Variants in NEDD4L observed in about 807,000 individuals in gnomAD.
NEDD4L encodes NEDD4 like E3 ubiquitin protein ligase.
In NEDD4L, 54 loss-of-function variants were observed where a neutral mutation model predicts 148.9. The observed-to-expected ratio is 0.36, with a 90% confidence interval of 0.29 to 0.45. The LOEUF (loss-of-function observed/expected upper bound fraction) is 0.45, where lower values mean the gene tolerates loss of function less well. NEDD4L is among the 20% of genes least tolerant of loss of function. NEDD4L has a pLI of 1.00. For missense variants in NEDD4L, 856 were observed against 1,233.8 expected (o/e 0.69, Z 4.59); for synonymous variants, 433 against 440.7 (o/e 0.98, Z 0.22).
chr18:58,156,611 C>T (rs1011246919), intron 1 of NEDD4L, among the ~76,000 whole-genome samples: 4 of 152,154 alleles, frequency 2.6e-5, no homozygotes, highest in African/African-American at 7.2e-5. Flanking sequence ...CCGCCTCCCA[C>T]GCCCCACATT....
intron 5 of NEDD4L, among the ~76,000 whole-genome samples, chr18:58,258,551 A>G (rs560954483): frequency 6.6e-6 from 1 of 152,344 alleles, no homozygotes; most frequent in East Asian, 1.9e-4. Context: ...TACCTTGCTT[A>G]AAAGGGCTAT....
chr18:58,306,782 C>A (rs1015285973), intron 5 of NEDD4L, among the ~76,000 whole-genome samples: 3 of 152,132 alleles, frequency 2.0e-5, no homozygotes, highest in African/African-American at 2.4e-5. Context: ...ACCGCCACCA[C>A]GCCCGGCTAA....
intron 2 of NEDD4L, among the ~76,000 whole-genome samples, chr18:58,185,607 C>T (rs1383510120): frequency 6.6e-6 from 1 of 152,232 alleles, no homozygotes; most frequent in Non-Finnish European, 1.5e-5. Context: ...GGTGCTGTGG[C>T]TCACGCCTGT....
At chr18:58,139,041 G>C (rs1194147093) in intron 1 of NEDD4L, among the ~76,000 whole-genome samples, 2 of 152,150 alleles carry the variant, frequency 1.3e-5, no homozygotes, top group African/African-American at 2.4e-5. Flanking sequence ...GGACATTCTG[G>C]GTCCTCAGTG....
chr18:58,121,085 A>T (rs559407760), intron 1 of NEDD4L, among the ~76,000 whole-genome samples: 1 of 152,312 alleles, frequency 6.6e-6, no homozygotes, highest in East Asian at 1.9e-4. Context: ...AATGTGATCT[A>T]AGTAAAAGTG....
At chr18:58,335,383 CTG>C in intron 12 of NEDD4L, 93 bp from the exon 13 acceptor site, 1 of 1,004,578 alleles carries the variant, frequency 1.0e-6, no homozygotes, top group Admixed American at 1.8e-5. Flanking sequence ...CTCACGTCAC[CTG>C]CCTTACAGCG....
At chr18:58,087,511 C>T (rs1287249941) in intron 1 of NEDD4L, among the ~76,000 whole-genome samples, 1 of 152,124 alleles carries the variant, frequency 6.6e-6, no homozygotes, top group African/African-American at 2.4e-5. Context: ...ATTCCAGTTA[C>T]CAGAATCTGT....
intron 5 of NEDD4L, among the ~76,000 whole-genome samples, chr18:58,304,504 ACT>A (rs1790279412): frequency 2.0e-5 from 3 of 152,130 alleles, no homozygotes; most frequent in African/African-American, 4.8e-5. Context: ...ACATAACAAG[ACT>A]CTGTCTCAAT....
rs567908211 is a variant in NEDD4L at position 58,210,162 on chromosome 18, G to T, written c.123-35265G>T. Among the ~76,000 whole-genome samples the T allele has an allele frequency of 1.3e-4, 20 of 152,090 alleles. No homozygotes were observed. The South Asian group carries it at 3.5e-3, about 27-fold the overall frequency. ...GCCTGGGCAAGAAAAGCGACACTTC[G>T]TCTCAACATCAACAACAACAAAAAA... On this transcript the variant is annotated intron_variant, in intron 2 of 30. Transcript: ENST00000400345.
chr18:58,378,461 C>G (rs546873592), intron 24 of NEDD4L, among the ~76,000 whole-genome samples: 1 of 152,212 alleles, frequency 6.6e-6, no homozygotes, highest in Admixed American at 6.5e-5. Flanking sequence ...ACGAAGAGCC[C>G]GGAGCTGGAG....
At chr18:58,171,379 AGGG>A in intron 2 of NEDD4L, among the ~76,000 whole-genome samples, 1 of 74,088 alleles carries the variant, frequency 1.3e-5, no homozygotes, top group African/African-American at 8.5e-5. Flanking sequence ...CCCCAGCCCA[AGGG>A]GACAGGACAC....
chr18:58,127,824 G>A (rs1213065240), intron 1 of NEDD4L, among the ~76,000 whole-genome samples: 1 of 128,654 alleles, frequency 7.8e-6, no homozygotes, highest in Non-Finnish European at 1.6e-5. Flanking sequence ...CTGGGCCACA[G>A]AGTGAGACTC....
chr18:58,074,515 C>T (rs1271620410), intron 1 of NEDD4L, among the ~76,000 whole-genome samples: 6 of 149,882 alleles, frequency 4.0e-5, no homozygotes, highest in East Asian at 2.0e-4. Flanking sequence ...CCTTGTGATC[C>T]GCTCACCTCG....
intron 5 of NEDD4L, among the ~76,000 whole-genome samples, chr18:58,279,432 G>A (rs1176319715): frequency 6.6e-6 from 1 of 152,188 alleles, no homozygotes; most frequent in African/African-American, 2.4e-5. Context: ...TCCTGAAAAA[G>A]GCATAGGATT....
At chr18:58,047,419 A>G (rs1568137496) in intron 1 of NEDD4L, 2 of 985,384 alleles carry the variant, frequency 2.0e-6, no homozygotes, top group Non-Finnish European at 2.4e-6. Context: ...ATGATGAAGC[A>G]TTGCATGAAC....
chr18:58,102,134 G>A (rs1167050969), intron 1 of NEDD4L, among the ~76,000 whole-genome samples: 3 of 151,950 alleles, frequency 2.0e-5, no homozygotes, highest in Non-Finnish European at 2.9e-5. Flanking sequence ...TTTGAATTAA[G>A]GTCGGGTATG....
intron 2 of NEDD4L, among the ~76,000 whole-genome samples, chr18:58,243,010 TG>T (rs1259328290): frequency 3.3e-5 from 5 of 152,252 alleles, no homozygotes; most frequent in African/African-American, 1.2e-4. Flanking sequence ...CTGGAAGATA[TG>T]GTGTCCCACA....
At chr18:58,065,258 C>G (rs1157431934) in intron 1 of NEDD4L, among the ~76,000 whole-genome samples, 1 of 152,168 alleles carries the variant, frequency 6.6e-6, no homozygotes, top group African/African-American at 2.4e-5. Context: ...ACGTTTTTTT[C>G]ATTGTCACCA....
At chr18:58,371,203 ATTTTTTT>A (rs34960405) in intron 23 of NEDD4L, among the ~76,000 whole-genome samples, 62 of 92,970 alleles carry the variant, frequency 6.7e-4, no homozygotes, top group African/African-American at 2.8e-3. Context: ...TGCCTGGCTA[ATTTTTTT>A]TTTTTTTTTT....
Sources: allele counts gnomAD v4.1 joint callset (sites outside exome capture counted in the v4.1 genomes callset), GRCh38; gene constraint gnomAD v4.1.1; transcripts MANE v1.5; gene names NCBI Gene and HGNC (gene_info 2026-07-23, HGNC 2026-07-21).